ROR1: variants seen among roughly 807,000 people sequenced by gnomAD.
ROR1 encodes the protein ROR family WNT receptor 1, also known as inactive tyrosine-protein kinase transmembrane receptor ROR1.
Under a neutral mutation model 78.8 loss-of-function variants are expected in ROR1, and 19 were observed. The observed-to-expected ratio is 0.24, with a 90% CI of 0.17 to 0.35. ROR1 has a LOEUF of 0.35. ROR1 is among the 10% of genes least tolerant of loss of function. The pLI, the probability that ROR1 is intolerant of heterozygous loss-of-function variation, is 1.00. For missense variants in ROR1, 917 were observed against 1,177.8 expected, an observed-to-expected ratio of 0.78 and a Z score of 3.24; for synonymous variants, 386 against 433.6, an observed-to-expected ratio of 0.89 and a Z score of 1.36.
intron 8 of ROR1, among the ~76,000 whole-genome samples, chr1:64,167,506 A>C (rs1248461970): frequency 6.6e-6 from 1 of 152,362 alleles, no homozygotes; most frequent in East Asian, 1.9e-4. Context: ...AGTCTTTGAA[A>C]ATGTCCATAA....
intron 4 of ROR1, among the ~76,000 whole-genome samples, chr1:64,081,607 CA>C (rs1647102204): frequency 6.6e-6 from 1 of 151,300 alleles, no homozygotes; most frequent in African/African-American, 2.4e-5. Flanking sequence ...GGAGACTCTA[CA>C]AAAAATAAAA....
intron 4 of ROR1, among the ~76,000 whole-genome samples, chr1:64,067,978 A>G (rs946718944): frequency 1.3e-5 from 2 of 152,126 alleles, no homozygotes; most frequent in Admixed American, 6.6e-5. Flanking sequence ...TCCCAAAGTG[A>G]TTCACTATAT....
At chr1:64,099,916 G>A (rs965928617) in intron 4 of ROR1, among the ~76,000 whole-genome samples, 8 of 152,098 alleles carry the variant, frequency 5.3e-5, no homozygotes, top group Admixed American at 1.3e-4. Flanking sequence ...TTAGCTGGAC[G>A]TGGTGGCGCG....
intron 1 of ROR1, among the ~76,000 whole-genome samples, chr1:63,900,885 A>G (rs1484469539): frequency 6.6e-6 from 1 of 152,184 alleles, no homozygotes; most frequent in African/African-American, 2.4e-5. Flanking sequence ...GATAATCACT[A>G]ACACTTAACA....
intron 1 of ROR1, among the ~76,000 whole-genome samples, chr1:63,839,720 G>C (rs936541778): frequency 6.6e-6 from 1 of 151,548 alleles, no homozygotes; most frequent in South Asian, 2.1e-4. Context: ...TAATCATCTT[G>C]TCTATGTTAT....
chr1:64,049,195 G>A (rs1259950370), intron 2 of ROR1, among the ~76,000 whole-genome samples: 1 of 152,062 alleles, frequency 6.6e-6, no homozygotes, highest in Non-Finnish European at 1.5e-5. Context: ...AAAGTTTCAG[G>A]CATCCTTTCT....
chr1:63,950,983 A>G (rs1268552593), intron 1 of ROR1, among the ~76,000 whole-genome samples: 1 of 152,216 alleles, frequency 6.6e-6, no homozygotes, highest in Non-Finnish European at 1.5e-5. Flanking sequence ...TCTTTACTAC[A>G]TTTACTAGAA....
chr1:64,079,329 C>T (rs1647079783), intron 4 of ROR1, among the ~76,000 whole-genome samples: 1 of 152,128 alleles, frequency 6.6e-6, no homozygotes, highest in Non-Finnish European at 1.5e-5. Flanking sequence ...ATTTGGTATG[C>T]TTAATTAGAT....
At chr1:64,132,176 T>C (rs1262943880) in intron 4 of ROR1, among the ~76,000 whole-genome samples, 2 of 152,188 alleles carry the variant, frequency 1.3e-5, no homozygotes, top group African/African-American at 4.8e-5. Context: ...TTGTTCAGCT[T>C]ATTTCACTTA....
chr1:64,159,867 G>A (rs553180290), intron 8 of ROR1, among the ~76,000 whole-genome samples: 15 of 152,126 alleles, frequency 9.9e-5, no homozygotes, highest in South Asian at 4.2e-4. Context: ...ATCTTTCAAC[G>A]TTTGAGTTGC....
intron 4 of ROR1, among the ~76,000 whole-genome samples, chr1:64,078,993 T>C (rs1647075833): frequency 6.6e-6 from 1 of 152,102 alleles, no homozygotes; most frequent in African/African-American, 2.4e-5. Flanking sequence ...AGGTGATGGA[T>C]GGCATGTGAA....
chr1:64,140,558 T>C (rs1649281428), intron 6 of ROR1, 132 bp downstream of exon 6: 1 of 755,276 alleles, frequency 1.3e-6, no homozygotes, highest in African/African-American at 1.8e-5. Flanking sequence ...CTGAGTACTG[T>C]GCCTGAGCAT....
intron 4 of ROR1, among the ~76,000 whole-genome samples, chr1:64,052,984 G>A (rs771437119): frequency 3.9e-5 from 6 of 151,980 alleles, no homozygotes; most frequent in South Asian, 2.1e-4. Flanking sequence ...GCCTAGCTTC[G>A]GAGTAGCCCT....
At chr1:64,054,405 T>C (rs1646857505) in intron 4 of ROR1, among the ~76,000 whole-genome samples, 1 of 152,118 alleles carries the variant, frequency 6.6e-6, no homozygotes, top group South Asian at 2.1e-4. Flanking sequence ...GCCTCCCGAG[T>C]AGCTGGGACT....
chr1:63,965,201 T>C (rs1414976823), intron 1 of ROR1, among the ~76,000 whole-genome samples: 1 of 152,144 alleles, frequency 6.6e-6, no homozygotes, highest in Non-Finnish European at 1.5e-5. Flanking sequence ...ACACAGCTGG[T>C]AAATGGCAGA....
rs533155890 is a variant in ROR1 at position 64,155,265 on chromosome 1, A to T, written c.1175-3716A>T. On this transcript the variant is annotated intron_variant, in intron 7 of 8. Coordinates refer to ENST00000371079, the MANE Select transcript of ROR1 (RefSeq NM_005012.4). ...GCAGATATTAGTTTTCTAATTTTTC[A>T]TTTGGAAGGCTCATTGTTCTATGGA... is the stretch of plus-strand genomic sequence containing the variant. Among the ~76,000 whole-genome samples, 14 of 152,338 alleles carry T rather than the reference A, an allele frequency of 9.2e-5. No individual in the cohort carries two copies. The East Asian group carries it at 9.7e-4, about 11-fold the overall frequency.
chr1:63,794,387 C>T (rs1644745802), intron 1 of ROR1, among the ~76,000 whole-genome samples: 2 of 152,202 alleles, frequency 1.3e-5, no homozygotes, highest in African/African-American at 4.8e-5. Context: ...ACCCGAGGCC[C>T]ACCCTGGCCT....
intron 1 of ROR1, among the ~76,000 whole-genome samples, chr1:63,951,999 G>C (rs1211964812): frequency 6.6e-6 from 1 of 152,194 alleles, no homozygotes; most frequent in Non-Finnish European, 1.5e-5. Flanking sequence ...TAAGGTCCCT[G>C]TCCTAGTGGA....
At chr1:63,778,560 G>A (rs969705822) in intron 1 of ROR1, among the ~76,000 whole-genome samples, 1 of 152,162 alleles carries the variant, frequency 6.6e-6, no homozygotes, top group Non-Finnish European at 1.5e-5. Context: ...GCTGAAGAAT[G>A]GTGCCAAGTC....
Sources: allele counts gnomAD v4.1 joint callset (sites outside exome capture counted in the v4.1 genomes callset), GRCh38; gene constraint gnomAD v4.1.1; transcripts MANE v1.5; gene names NCBI Gene and HGNC (gene_info 2026-07-23, HGNC 2026-07-21).